Variants in ROBO3 observed in about 807,000 individuals in gnomAD.
The protein encoded by ROBO3 is roundabout guidance receptor 3.
Under a neutral mutation model 160.5 loss-of-function variants are expected in ROBO3, and 97 were observed. The ratio of observed to expected loss-of-function variants is 0.60; its 90% CI spans 0.51 to 0.72. The LOEUF (loss-of-function observed/expected upper bound fraction) is 0.72. ROBO3 is among the 30% of genes least tolerant of loss of function. The pLI is 0.00. For missense variants in ROBO3, 1,858 were observed against 1,846.5 expected (o/e 1.01, Z -0.11); for synonymous variants, 780 against 746.2 (o/e 1.05, Z -0.74).
In ROBO3 at chr11:124,875,600, T is replaced by TG; in HGVS notation, c.2342dup (p.Asp782Ter). Reference sequence around the variant, plus strand: ...CCCCCACAGGGAGTGGCGGTGGCCTTGGGGGGTGATGGCAACAGCAGTATC... The same window carrying TG: ...CCCCCACAGGGAGTGGCGGTGGCCTTGGGGGGGTGATGGCAACAGCAGTATC... On this transcript the variant is annotated frameshift_variant, in exon 15 of 28. Coordinates refer to ENST00000397801, the MANE Select transcript of ROBO3 (RefSeq NM_022370.4). LOFTEE classifies it high-confidence loss of function. The TG allele has an allele frequency of 1.2e-6, 2 of 1,611,128 alleles. No homozygotes were observed. The highest frequency in any genetic ancestry group is 1.3e-5 in the African/African-American group (1 of 74,714).
At position 124,879,336 on chromosome 11, in the gene ROBO3, C is replaced by T. The variant is rs765572489; in HGVS notation, c.3680C>T (p.Ala1227Val). ...CCTGCCCCTAGCACAGCCAGCAGTGCCCCAGGTAAGTCTCTACAACCTCCT... is the reference window on the plus strand; with the variant it reads ...CCTGCCCCTAGCACAGCCAGCAGTGTCCCAGGTAAGTCTCTACAACCTCCT... ...PSPAPSTASSAPGRTWQGNGE... is the reference protein window; with the variant it reads ...PSPAPSTASSVPGRTWQGNGE... Residue 1227 changes from alanine (A) to valine (V), a missense_variant, in exon 24 of 28, where the codon GCC becomes GTC. Physicochemically the swap from Ala to Val is moderately conservative, Grantham distance 64 (BLOSUM62 0). Coordinates refer to ENST00000397801, the MANE Select transcript of ROBO3 (RefSeq NM_022370.4). 2.5e-6 allele frequency: 4 copies of T among 1,608,780 alleles called. No individual in the cohort carries two copies. The highest frequency in any genetic ancestry group is 1.1e-5 in the South Asian group (1 of 90,170).
chr11:124,877,459 C>T (rs1271492781), intron 19 of ROBO3, 60 bp from the exon 20 acceptor site: 2 of 1,599,732 alleles, frequency 1.3e-6, no homozygotes, highest in Non-Finnish European at 1.7e-6. Context: ...TCGCCACCTC[C>T]CTTTCCTTTG....
At position 124,873,935 on chromosome 11, in the gene ROBO3, A is replaced by G. The variant is rs1468439059; in HGVS notation, c.1784+73A>G. On this transcript the variant is annotated intron_variant, in intron 11 of 27. Coordinates refer to ENST00000397801, the MANE Select transcript of ROBO3 (RefSeq NM_022370.4). The surrounding 1 kb of genome is among the most constrained non-coding windows in gnomAD (Gnocchi z 4.5). Reference sequence around the variant, plus strand: ...ATCCTATGCCCTTAGGGTCTTTGCTATTGTGAGGTGGGATTCTCCAGTACC... The same window carrying G: ...ATCCTATGCCCTTAGGGTCTTTGCTGTTGTGAGGTGGGATTCTCCAGTACC... The G allele has an allele frequency of 6.3e-7, 1 of 1,595,078 alleles. No individual in the cohort carries two copies. The highest frequency in any genetic ancestry group is 1.1e-5 in the South Asian group (1 of 89,926).
rs1223004369 is a variant in ROBO3 at position 124,871,066 on chromosome 11, G to C, written c.1086G>C (p.Glu362Asp). 4 of 1,613,818 alleles carry C rather than the reference G, an allele frequency of 2.5e-6. No homozygotes were observed. The highest frequency in any genetic ancestry group is 3.3e-5 in the Admixed American group (2 of 60,024). Residue 362 changes from glutamate (E) to aspartate (D), a missense_variant, in exon 7 of 28, where the codon GAG (glutamate) becomes GAC (aspartate). Physicochemically the swap from Glu to Asp is conservative, Grantham distance 45 (BLOSUM62 2). Coordinates refer to ENST00000397801, the MANE Select transcript of ROBO3 (RefSeq NM_022370.4). ...AGGACCAGATGGCAGCTCCTGGAGAGAGCGTGGCTTTCCAGTGCGAGACCA... is the reference window on the plus strand; with the variant it reads ...AGGACCAGATGGCAGCTCCTGGAGACAGCGTGGCTTTCCAGTGCGAGACCA... ...QPQDQMAAPG[E>D]SVAFQCETKG...
Position 124,881,416 on chromosome 11 carries a change from C to A in ROBO3, c.*166C>A. On this transcript the variant is annotated 3_prime_UTR_variant, in exon 28 of 28. Transcript: ENST00000397801. ...TAGCTCCTCCCTTTCTTTCTTTTTC[C>A]ACCTGAGACTTGTTTATAAAAAACA... 1.5e-6 allele frequency: 1 copy of A among 655,278 alleles called. No individual in the cohort carries two copies. The highest frequency in any genetic ancestry group is 2.7e-6 in the Non-Finnish European group (1 of 375,006). 40.6% of individuals were successfully genotyped at this position (655,278 alleles called of 1,614,324 possible).
rs1355268489 is a variant in ROBO3, at chr11:124,873,705, G to C, written c.1627G>C (p.Gly543Arg). 6.2e-7 allele frequency: 1 copy of C among 1,611,374 alleles called. No homozygotes were observed. Among genetic ancestry groups the C allele is most frequent in the African/African-American group, 1.3e-5 (1 of 74,786 alleles). Residue 543 changes from glycine to arginine, a missense_variant, in exon 11 of 28, where the codon GGA becomes CGA. Coordinates refer to ENST00000397801, the MANE Select transcript of ROBO3 (RefSeq NM_022370.4). This position sits in a 1 kb window ranked among gnomAD's most constrained non-coding sequence, Gnocchi z 4.5. ...ATTATCTCCCACTGCAGAAGACTGG[G>C]GAGTATCACCAGACCCCCCTACAGA... ...SGWLKMREDW[G>R]VSPDPPTEPS...
chr11:124,880,837 T>A (rs952594653), intron 27 of ROBO3, among the ~76,000 whole-genome samples: 3 of 152,114 alleles, frequency 2.0e-5, no homozygotes, highest in African/African-American at 7.2e-5. Context: ...GCGGATCCCT[T>A]GAGCTCAGGA....
rs779387739 is a variant in ROBO3, at chr11:124,870,306, G to A, written c.905+3G>A. On this transcript the variant is annotated splice_donor_region_variant and intron_variant, in intron 5 of 27. Coordinates refer to ENST00000397801, the MANE Select transcript of ROBO3 (RefSeq NM_022370.4). ...GATGGGGAACTGCCCACAGGCAGGT[G>A]AGAGACCCCCTTCTGCCTGTAGGAA... The A allele has an allele frequency of 6.2e-7, 1 of 1,612,844 alleles. No homozygotes were observed. Among genetic ancestry groups the A allele is most frequent in the Admixed American group, 1.7e-5 (1 of 59,726 alleles).
At position 124,873,913 on chromosome 11, in the gene ROBO3, C is replaced by A; in HGVS notation, c.1784+51C>A. 6.2e-7 allele frequency: 1 copy of A among 1,604,994 alleles called. No homozygotes were observed. Among genetic ancestry groups the A allele is most frequent in the Non-Finnish European group, 8.5e-7 (1 of 1,172,864 alleles). Reference sequence around the variant, plus strand: ...CCTGGAGAGTTAAAAGGAGGGGATCCTATGCCCTTAGGGTCTTTGCTATTG... The same window carrying A: ...CCTGGAGAGTTAAAAGGAGGGGATCATATGCCCTTAGGGTCTTTGCTATTG... On this transcript the variant is annotated intron_variant, in intron 11 of 27. Transcript: ENST00000397801. The surrounding 1 kb of genome is among the most constrained non-coding windows in gnomAD (Gnocchi z 4.5).
rs889301740 is a variant in ROBO3 at position 124,874,121 on chromosome 11, G to A, written c.1836G>A (p.Glu612=). 6.2e-7 allele frequency: 1 copy of A among 1,613,990 alleles called. No homozygotes were observed. Among genetic ancestry groups the A allele is most frequent in the Non-Finnish European group, 8.5e-7 (1 of 1,179,892 alleles). ...WRTVADGVQL[E]THTVSGLQPN... ...CTGTGGCAGATGGCGTGCAGCTGGA[G>A]ACACACACAGTCAGCGGTCTGCAGC... The change falls in exon 12 of 28, where the codon GAG becomes GAA. Residue 612 remains glutamate (E), a synonymous_variant. Coordinates refer to ENST00000397801, the MANE Select transcript of ROBO3 (RefSeq NM_022370.4).
rs536588537 is a variant in ROBO3 at position 124,876,036 on chromosome 11, T to C, written c.2504T>C (p.Leu835Pro). The change falls in exon 16 of 28, where the codon CTG becomes CCG. Residue 835 changes from leucine (L) to proline (P), a missense_variant. Physicochemically the swap from Leu to Pro is moderately conservative, Grantham distance 98. Coordinates refer to ENST00000397801, the MANE Select transcript of ROBO3 (RefSeq NM_022370.4). This position sits in a 1 kb window ranked among gnomAD's most constrained non-coding sequence, Gnocchi z 5.3. ...GWARSAMLRG[L>P]VPGLLYRTLV... is the part of the protein sequence containing the mutation. ...GCACGCTCCGCAATGCTCCGAGGAC[T>C]GGTGCCCGGTCTCCTCTATCGAACC... 8.7e-6 allele frequency: 14 copies of C among 1,607,096 alleles called. No individual in the cohort carries two copies. In the East Asian group the frequency reaches 3.1e-4, roughly 36 times the overall value.
At chr11:124,868,752 C>G in intron 1 of ROBO3, 50 bp from the exon 2 acceptor site, 11 of 1,528,022 alleles carry the variant, frequency 7.2e-6, no homozygotes, top group Non-Finnish European at 9.8e-6. Flanking sequence ...GCCTCAATCT[C>G]TCCCCACAAT....
intron 18 of ROBO3, 32 bp downstream of exon 18, chr11:124,877,216 C>G (rs200169604): frequency 1.2e-6 from 2 of 1,613,770 alleles, no homozygotes; most frequent in South Asian, 2.2e-5. Flanking sequence ...GGGGTTCAGA[C>G]CCCCCGGGAC....
intron 1 of ROBO3, chr11:124,868,330 G>A: frequency 3.5e-6 from 1 of 289,554 alleles, no homozygotes. Flanking sequence ...ATTTCACTGA[G>A]CCAGGACCTT....
In ROBO3 at chr11:124,878,415, CGGA is replaced by C; in HGVS notation, c.3307_3309del (p.Glu1103del). 5 of 1,613,778 alleles carry C rather than the reference CGGA, an allele frequency of 3.1e-6. No homozygotes were observed. The highest frequency in any genetic ancestry group is 4.2e-6 in the Non-Finnish European group (5 of 1,179,780). ...TGTGAACTGAGCTGCCTAGAAGGGCCGGAGGAGGAGCTGGAGGGCAGGTAGAGA... is the reference window on the plus strand; with the variant it reads ...TGTGAACTGAGCTGCCTAGAAGGGCCGGAGGAGCTGGAGGGCAGGTAGAGA... On this transcript the variant is annotated inframe_deletion, in exon 22 of 28. Transcript: ENST00000397801. The surrounding 1 kb of genome is among the most constrained non-coding windows in gnomAD (Gnocchi z 4.3).
rs1337242433 is a variant in ROBO3, at chr11:124,880,587, G to C, written c.4128G>C (p.Arg1376Ser). 1 of 1,549,518 alleles carries C rather than the reference G, an allele frequency of 6.5e-7. No individual in the cohort carries two copies. The highest frequency in any genetic ancestry group is 8.7e-7 in the Non-Finnish European group (1 of 1,146,610). ...GTCAGAGCCGGAGCCAGAGCCAAAG[G>C]CCAGGACAGAAACGCCGAGAGGTAG... ...SRSQSRSQSQ[R>S]PGQKRREEPR The change falls in exon 27 of 28, where the codon AGG (arginine) becomes AGC (serine). Residue 1376 changes from arginine (R) to serine (S), a missense_variant. By Grantham distance (110) the Arg-to-Ser change is moderately radical (BLOSUM62 -1). Coordinates refer to ENST00000397801, the MANE Select transcript of ROBO3 (RefSeq NM_022370.4).
At chr11:124,868,735 C>T in intron 1 of ROBO3, 67 bp from the exon 2 acceptor site, 1 of 1,463,362 alleles carries the variant, frequency 6.8e-7, no homozygotes. Flanking sequence ...TTCTCTTTCC[C>T]TCTGGAGCCT....
At chr11:124,868,565 C>A in intron 1 of ROBO3, 2 of 637,300 alleles carry the variant, frequency 3.1e-6, no homozygotes, top group Admixed American at 2.3e-5. Context: ...GTTTGTGTCC[C>A]GATCCCTCTA....
At chr11:124,874,930 A>G in intron 13 of ROBO3, 21 bp downstream of exon 13, 1 of 1,598,966 alleles carries the variant, frequency 6.3e-7, no homozygotes, top group South Asian at 1.1e-5. Context: ...TATGGGGAGG[A>G]GATTCAGGGT....
Sources: allele counts gnomAD v4.1 joint callset (sites outside exome capture counted in the v4.1 genomes callset), GRCh38; gene constraint gnomAD v4.1.1; non-coding constraint Gnocchi (gnomAD v3.1); transcripts MANE v1.5; gene names NCBI Gene and HGNC (gene_info 2026-07-23, HGNC 2026-07-21).